The following ULK4 variants were observed in gnomAD, a reference collection of about 807,000 sequenced individuals.
ULK4 encodes the protein inactive serine/threonine-protein kinase ULK4.
Under a neutral mutation model 160.6 loss-of-function variants are expected in ULK4, and 133 were observed. The ratio of observed to expected loss-of-function variants is 0.83; its 90% CI spans 0.72 to 0.96. The LOEUF (loss-of-function observed/expected upper bound fraction) is 0.96. Among genes scored for constraint, ULK4 ranks in the 40% least tolerant of loss-of-function variants. The pLI is 0.00. For synonymous variants in ULK4, 534 were observed against 539.8 expected, an observed-to-expected ratio of 0.99 and a Z score of 0.15; for missense variants, 1,580 against 1,499.5, an observed-to-expected ratio of 1.05 and a Z score of -0.89.
chr3:41,523,201 G>GC (rs1443263157), intron 32 of ULK4, among the ~76,000 whole-genome samples: 4 of 152,150 alleles, frequency 2.6e-5, no homozygotes, highest in Non-Finnish European at 4.4e-5. Flanking sequence ...GAGCCACTGT[G>GC]CCCAGCCCCA....
intron 34 of ULK4, among the ~76,000 whole-genome samples, chr3:41,451,135 A>G (rs2083416063): frequency 6.6e-6 from 1 of 152,134 alleles, no homozygotes; most frequent in Non-Finnish European, 1.5e-5. Flanking sequence ...AAAGGCGGGA[A>G]AACCTCTAAG....
intron 34 of ULK4, among the ~76,000 whole-genome samples, chr3:41,401,702 T>A (rs1056332163): frequency 1.3e-5 from 2 of 152,166 alleles, no homozygotes; most frequent in Admixed American, 6.6e-5. Flanking sequence ...CCCTTGATGA[T>A]CCTTGGAGCC....
Position 41,521,542 on chromosome 3 carries a change from C to T in ULK4, c.3226+44483G>A, listed in dbSNP as rs538312398. ...TCTAAGATCCTATTTGTGGATTTTT[C>T]AGTACTCTGCATAAGAATCTATTTG... On this transcript the variant is annotated intron_variant, in intron 32 of 36. Coordinates refer to ENST00000301831, the MANE Select transcript of ULK4 (RefSeq NM_017886.4). Among the ~76,000 whole-genome samples, 4 of 152,220 alleles carry T rather than the reference C, an allele frequency of 2.6e-5. No individual in the cohort carries two copies. In the South Asian group the frequency reaches 8.3e-4, roughly 32 times the overall value.
At chr3:41,274,252 T>C (rs927255141) in intron 35 of ULK4, among the ~76,000 whole-genome samples, 1 of 152,154 alleles carries the variant, frequency 6.6e-6, no homozygotes, top group South Asian at 2.1e-4. Context: ...GAGGGTAAAT[T>C]TGGGCCCTAT....
chr3:41,712,373 C>G (rs567848427), intron 25 of ULK4, among the ~76,000 whole-genome samples: 16 of 152,172 alleles, frequency 1.1e-4, no homozygotes, highest in South Asian at 4.1e-4. Context: ...CCAAGGCAGG[C>G]CAGCAGCTCA....
At chr3:41,706,993 CAAGTT>C (rs1379064269) in intron 25 of ULK4, among the ~76,000 whole-genome samples, 3 of 151,818 alleles carry the variant, frequency 2.0e-5, no homozygotes, top group Admixed American at 6.6e-5. Context: ...ACCCACTACT[CAAGTT>C]AAGAACTAAG....
chr3:41,792,473 G>A (rs1400553997), intron 20 of ULK4, among the ~76,000 whole-genome samples: 2 of 152,036 alleles, frequency 1.3e-5, no homozygotes, highest in Non-Finnish European at 2.9e-5. Flanking sequence ...AGCAAATTAG[G>A]ATTCAATGAC....
intron 27 of ULK4, among the ~76,000 whole-genome samples, chr3:41,695,654 C>A (rs1212232424): frequency 6.6e-6 from 1 of 152,090 alleles, no homozygotes; most frequent in African/African-American, 2.4e-5. Context: ...ATGATGCCCG[C>A]CCAAAGATGG....
chr3:41,764,326 C>G (rs1250194168), intron 21 of ULK4, among the ~76,000 whole-genome samples: 1 of 152,070 alleles, frequency 6.6e-6, no homozygotes, highest in Admixed American at 6.6e-5. Context: ...GGTGCTTTTT[C>G]TTTTTGGGAT....
At chr3:41,804,907 C>G (rs955790632) in intron 19 of ULK4, among the ~76,000 whole-genome samples, 1 of 152,094 alleles carries the variant, frequency 6.6e-6, no homozygotes, top group Non-Finnish European at 1.5e-5. Context: ...AGTTTGAAGT[C>G]AGGTAGCGTG....
intron 31 of ULK4, among the ~76,000 whole-genome samples, chr3:41,614,818 C>A (rs925705714): frequency 1.3e-5 from 2 of 152,186 alleles, no homozygotes; most frequent in Non-Finnish European, 2.9e-5. Flanking sequence ...AAGTTGATTT[C>A]CCATGTGTAG....
chr3:41,866,111 A>T (rs75268733), intron 17 of ULK4, among the ~76,000 whole-genome samples: 2 of 152,190 alleles, frequency 1.3e-5, no homozygotes, highest in Non-Finnish European at 2.9e-5. Flanking sequence ...GTCAAAACTC[A>T]GTAACAAAAC....
chr3:41,829,687 CA>C (rs1217758612), intron 18 of ULK4, among the ~76,000 whole-genome samples: 2 of 152,128 alleles, frequency 1.3e-5, no homozygotes, highest in Non-Finnish European at 2.9e-5. Context: ...AACACTTTTA[CA>C]GTGTTGGTGG....
chr3:41,507,987 A>G (rs572960039), intron 32 of ULK4, among the ~76,000 whole-genome samples: 1 of 152,332 alleles, frequency 6.6e-6, no homozygotes, highest in South Asian at 2.1e-4. Context: ...TGAGATGCCA[A>G]AAAACTGTGA....
At chr3:41,412,162 T>C (rs1210884908) in intron 34 of ULK4, among the ~76,000 whole-genome samples, 3 of 152,202 alleles carry the variant, frequency 2.0e-5, no homozygotes, top group Admixed American at 6.6e-5. Flanking sequence ...ACCAATCAGA[T>C]ATTGAAATTA....
intron 32 of ULK4, among the ~76,000 whole-genome samples, chr3:41,561,497 A>G (rs1355128101): frequency 4.0e-5 from 6 of 151,714 alleles, no homozygotes; most frequent in African/African-American, 1.5e-4. Flanking sequence ...CTTGTCCTGG[A>G]CTTTTGGTTG....
chr3:41,518,059 G>T (rs535202105), intron 32 of ULK4, among the ~76,000 whole-genome samples: 28 of 152,182 alleles, frequency 1.8e-4, no homozygotes, highest in Admixed American at 1.2e-3. Flanking sequence ...TACAGAGTAA[G>T]AGCTATTAGG....
chr3:41,506,764 T>TAAAAAAAAA (rs200785051), intron 32 of ULK4, among the ~76,000 whole-genome samples: 269 of 19,908 alleles, frequency 0.014, 27 homozygotes, highest in African/African-American at 0.018. Flanking sequence ...GAGTGTGATT[T>TAAAAAAAAA]AAAATATATA....
intron 16 of ULK4, among the ~76,000 whole-genome samples, chr3:41,889,671 A>G (rs941491337): frequency 2.6e-5 from 4 of 152,222 alleles, no homozygotes; most frequent in African/African-American, 4.8e-5. Flanking sequence ...TGTATTATGT[A>G]CCCCTGAACC....
Sources: gnomAD v4.1 joint callset for allele counts (sites outside exome capture counted in the v4.1 genomes callset) on GRCh38, gnomAD v4.1.1 for gene constraint, MANE v1.5 for transcripts, NCBI Gene and HGNC (gene_info 2026-07-23, HGNC 2026-07-21) for gene names.